EDN1: variants seen among roughly 807,000 people sequenced by gnomAD.
EDN1 encodes endothelin-1.
Under a neutral mutation model 21.7 loss-of-function variants are expected in EDN1, and 11 were observed. That is an observed-to-expected ratio of 0.51 (90% CI 0.32 to 0.84). The LOEUF (loss-of-function observed/expected upper bound fraction) is 0.84, where lower values mean the gene tolerates loss of function less well. Among genes scored for constraint, EDN1 ranks in the 40% least tolerant of loss-of-function variants. EDN1 has a pLI of 0.03. For synonymous variants in EDN1, 85 were observed against 90.6 expected (o/e 0.94, Z 0.35); for missense variants, 244 against 262.3 (o/e 0.93, Z 0.48).
Position 12,296,543 on chromosome 6 carries a change from A to C in EDN1, c.*476A>C, listed in dbSNP as rs1762829956. ...TCAAAAGACAAACATGCAAGTAAAG[A>C]AAAAAAAAAGAAAGACTTTTGTTTA... On this transcript the variant is annotated 3_prime_UTR_variant, in exon 5 of 5. Transcript: ENST00000379375. 1 of 156,714 alleles carries C rather than the reference A, an allele frequency of 6.4e-6. No homozygotes were observed. 9.7% of individuals were successfully genotyped at this position (156,714 alleles called of 1,614,324 possible).
At chr6:12,239,303 G>C in the EDN1 span, among the ~76,000 whole-genome samples, 2 of 152,174 alleles carry the variant, frequency 1.3e-5, no homozygotes, top group Non-Finnish European at 2.9e-5. Flanking sequence ...TAATAGGATT[G>C]CTAATTATAC....
At chr6:12,261,527 G>A in the EDN1 span, among the ~76,000 whole-genome samples, 1 of 152,192 alleles carries the variant, frequency 6.6e-6, no homozygotes, top group African/African-American at 2.4e-5. Flanking sequence ...GTGGATGAAT[G>A]GGCGTAGGGA....
rs1581890110 is a variant in EDN1, at chr6:12,296,399, T to A, written c.*332T>A. Reference sequence around the variant, plus strand: ...AAGGAGATTCCACACAGGGGTGGAGTTTCTGACGAAGGTCCTAAGGGAGTG... The same window carrying A: ...AAGGAGATTCCACACAGGGGTGGAGATTCTGACGAAGGTCCTAAGGGAGTG... On this transcript the variant is annotated 3_prime_UTR_variant, in exon 5 of 5. Coordinates refer to ENST00000379375, the MANE Select transcript of EDN1 (RefSeq NM_001955.5). 3.4e-6 allele frequency: 1 copy of A among 295,622 alleles called. No homozygotes were observed. Among genetic ancestry groups the A allele is most frequent in the East Asian group, 7.3e-5 (1 of 13,752 alleles). The allele number at this position is 295,622 out of a possible 1,614,324, so 18.3% of individuals were successfully genotyped here. A position where few individuals can be genotyped will look rare whatever the true frequency, so the allele number is the denominator to read the frequency against.
At chr6:12,252,224 T>C in the EDN1 span, among the ~76,000 whole-genome samples, 83,931 of 151,988 alleles carry the variant, frequency 0.55, 23,179 homozygotes, top group South Asian at 0.76. Flanking sequence ...ATGTAAGAGT[T>C]CTTGGTATAT....
rs61701314 is a variant in EDN1 at position 12,294,920 on chromosome 6, C to CTTTTTTTTTTTTT, written c.533+524_533+536dup. 1.1e-3 allele frequency among the ~76,000 whole-genome samples: 114 copies of CTTTTTTTTTTTTT among 107,618 alleles called. 3 individuals are homozygous for CTTTTTTTTTTTTT. The highest frequency in any genetic ancestry group is 3.8e-3 in the African/African-American group (106 of 28,200). 70.6% of individuals were successfully genotyped at this position (107,618 alleles called of 152,430 possible). A position where few individuals can be genotyped will look rare whatever the true frequency, so the allele number is the denominator to read the frequency against. ...ACATGCTGTTTTTCAGGTTTATGGT[C>CTTTTTTTTTTTTT]TTTTTTTTTTTTTTTTTTTTAAATA... On this transcript the variant is annotated intron_variant, in intron 4 of 4. Transcript: ENST00000379375.
In EDN1 at chr6:12,291,525, G is replaced by C. The variant is rs140088814; in HGVS notation, c.65-816G>C. On this transcript the variant is annotated intron_variant, in intron 1 of 4. Transcript: ENST00000379375. ...GGATGTCAAGGGAATGAAAATCCTG[G>C]AATGTGTCTGATCATTTGAAATGTA... 2.6e-3 allele frequency among the ~76,000 whole-genome samples: 402 copies of C among 152,304 alleles called. 3 individuals carry two copies. The highest frequency in any genetic ancestry group is 9.5e-3 in the East Asian group (49 of 5,184).
chr6:12,260,426 G>T, the EDN1 span, among the ~76,000 whole-genome samples: 1 of 152,126 alleles, frequency 6.6e-6, no homozygotes, highest in Non-Finnish European at 1.5e-5. Flanking sequence ...ACTTAACTTT[G>T]TTGCTTCTTA....
At chr6:12,292,659 T>C in intron 2 of EDN1, 150 bp downstream of exon 2, 1 of 951,596 alleles carries the variant, frequency 1.1e-6, no homozygotes, top group South Asian at 1.4e-5. Context: ...CCTCTATTCC[T>C]GAAAATAACG....
chr6:12,240,836 T>C, the EDN1 span, among the ~76,000 whole-genome samples: 736 of 152,206 alleles, frequency 4.8e-3, 41 homozygotes, highest in East Asian at 0.12. Flanking sequence ...GGAATTGTCT[T>C]TAATGGGAGA....
the EDN1 span, among the ~76,000 whole-genome samples, chr6:12,266,318 A>G: frequency 6.6e-6 from 1 of 152,120 alleles, no homozygotes; most frequent in Non-Finnish European, 1.5e-5. Context: ...TGGAGAAGAT[A>G]CTCCAGAAAC....
chr6:12,291,228 CCG>C (rs71781255), intron 1 of EDN1, among the ~76,000 whole-genome samples: 57,150 of 129,838 alleles, frequency 0.44, 12,826 homozygotes, highest in East Asian at 0.63. Context: ...CCCCCCCCCC[CCG>C]CCACCACCCC....
chr6:12,289,065 T>G (rs1050561947), upstream of EDN1, among the ~76,000 whole-genome samples: 3 of 152,328 alleles, frequency 2.0e-5, no homozygotes, highest in Admixed American at 1.3e-4. Flanking sequence ...GCCAATGTGT[T>G]CCATGCACCT....
chr6:12,236,491 C>G, the EDN1 span, among the ~76,000 whole-genome samples: 1 of 152,116 alleles, frequency 6.6e-6, no homozygotes, highest in Non-Finnish European at 1.5e-5. Flanking sequence ...AACTCCTGAC[C>G]TCAGGTGATC....
chr6:12,269,193 T>C, the EDN1 span, among the ~76,000 whole-genome samples: 1 of 152,164 alleles, frequency 6.6e-6, no homozygotes, highest in South Asian at 2.1e-4. Flanking sequence ...ATCCTGAAAC[T>C]TAAATGAATT....
chr6:12,269,110 C>T, the EDN1 span, among the ~76,000 whole-genome samples: 1 of 151,812 alleles, frequency 6.6e-6, no homozygotes, highest in Non-Finnish European at 1.5e-5. Flanking sequence ...GAGATTGCTT[C>T]CTTTCTTTCT....
At chr6:12,231,731 T>C in the EDN1 span, among the ~76,000 whole-genome samples, 48 of 144,538 alleles carry the variant, frequency 3.3e-4, no homozygotes, top group Admixed American at 7.8e-4. Flanking sequence ...AATAATATTC[T>C]TGTCTGATTT....
At chr6:12,251,614 T>C in the EDN1 span, among the ~76,000 whole-genome samples, 1 of 152,172 alleles carries the variant, frequency 6.6e-6, no homozygotes, top group Non-Finnish European at 1.5e-5. Context: ...AAGAAACAGC[T>C]TCCTGAAACA....
chr6:12,295,912 GGGT>G (rs774525687), intron 4 of EDN1, 47 bp from the exon 5 acceptor site: 1 of 1,570,816 alleles, frequency 6.4e-7, no homozygotes. Flanking sequence ...TTTTGCCAAA[GGGT>G]GATTTTTTTA....
the EDN1 span, among the ~76,000 whole-genome samples, chr6:12,258,558 T>C: frequency 6.6e-6 from 1 of 150,594 alleles, no homozygotes; most frequent in Non-Finnish European, 1.5e-5. Context: ...TGAAATATAC[T>C]AGACATCAAA....
Sources: allele counts gnomAD v4.1 joint callset (sites outside exome capture counted in the v4.1 genomes callset), GRCh38; gene constraint gnomAD v4.1.1; transcripts MANE v1.5; gene names NCBI Gene and HGNC (gene_info 2026-07-23, HGNC 2026-07-21).